The following KLC4 variants were observed in gnomAD, a reference collection of about 807,000 sequenced individuals.
The protein encoded by KLC4 is kinesin-like protein 8.
In KLC4, 49 loss-of-function variants were observed where a neutral mutation model predicts 77.2. The observed-to-expected ratio is 0.63, with a 90% CI of 0.50 to 0.80. The LOEUF is 0.80. Among genes scored for constraint, KLC4 ranks in the 30% least tolerant of loss-of-function variants. KLC4 has a pLI of 0.00. For missense variants in KLC4, 669 were observed against 793.5 expected (o/e 0.84, Z 1.89); for synonymous variants, 274 against 314.5 (o/e 0.87, Z 1.36).
chr6:43,074,839 C>T lies in KLC4; in HGVS notation c.*167C>T, dbSNP rs1765912302. On this transcript the variant is annotated 3_prime_UTR_variant, in exon 16 of 16. Transcript: ENST00000347162. ...GGGTCTCAGCTCCCTCCTCAGGAATCCCTCTTAGGAAGGACCCTCAGGACA... is the reference window on the plus strand; with the variant it reads ...GGGTCTCAGCTCCCTCCTCAGGAATTCCTCTTAGGAAGGACCCTCAGGACA... 1 of 650,554 alleles carries T rather than the reference C, an allele frequency of 1.5e-6. No individual in the cohort carries two copies. The highest frequency in any genetic ancestry group is 2.7e-5 in the East Asian group (1 of 36,448). The allele number at this position is 650,554 out of a possible 1,614,324, so 40.3% of individuals were successfully genotyped here. A position where few individuals can be genotyped will look rare whatever the true frequency, so the allele number is the denominator to read the frequency against.
intron 4 of KLC4, 141 bp downstream of exon 4, chr6:43,065,842 G>T: frequency 1.6e-6 from 1 of 630,848 alleles, no homozygotes; most frequent in Non-Finnish European, 2.8e-6. Flanking sequence ...GGCTGGGCTA[G>T]TACTTCGATT....
chr6:43,061,703 T>C, intron 2 of KLC4, 110 bp downstream of exon 2: 1 of 1,112,618 alleles, frequency 9.0e-7, no homozygotes, highest in South Asian at 1.6e-5. Context: ...TTTGCATTCA[T>C]TCATTAAATA....
intron 14 of KLC4, 29 bp downstream of exon 14, chr6:43,073,367 G>T: frequency 6.5e-7 from 1 of 1,533,400 alleles, no homozygotes; most frequent in Non-Finnish European, 9.0e-7. Context: ...ATACAGTAAA[G>T]TGGCCGGGTG....
At chr6:43,065,745 A>C (rs772123966) in intron 4 of KLC4, 44 bp downstream of exon 4, 1 of 1,394,566 alleles carries the variant, frequency 7.2e-7, no homozygotes, top group Non-Finnish European at 1.0e-6. Flanking sequence ...GGGCAGCAGG[A>C]GGCTGGCCCT....
chr6:43,070,327 C>T (rs1342449685), intron 6 of KLC4, 27 bp from the exon 7 acceptor site: 1 of 1,559,036 alleles, frequency 6.4e-7, no homozygotes, highest in Non-Finnish European at 8.8e-7. Flanking sequence ...ACCCAAATGT[C>T]TGATGGGGAC....
chr6:43,071,422 T>A, intron 9 of KLC4, 48 bp downstream of exon 9: 1 of 1,567,672 alleles, frequency 6.4e-7, no homozygotes, highest in Non-Finnish European at 8.8e-7. Context: ...GAAAAGAAAT[T>A]CAGACCAAAG....
At chr6:43,073,422 G>A (rs186940003) in intron 14 of KLC4, 84 bp downstream of exon 14, 7 of 919,348 alleles carry the variant, frequency 7.6e-6, no homozygotes, top group African/African-American at 6.5e-5. Flanking sequence ...AGGCCGAGGC[G>A]GGTGGATCAC....
At chr6:43,065,792 C>G (rs1438738802) in intron 4 of KLC4, 91 bp downstream of exon 4, 1 of 843,892 alleles carries the variant, frequency 1.2e-6, no homozygotes, top group Non-Finnish European at 2.0e-6. Context: ...CAGTCACCAT[C>G]TAGAAATAGG....
At position 43,072,219 on chromosome 6, in the gene KLC4, G is replaced by C. The variant is rs546323465; in HGVS notation, c.1452G>C (p.Glu484Asp). ...YRRQGKLEAA[E>D]TLEECALRSR... ...GCCAGGGAAAGCTGGAGGCTGCTGA[G>C]ACCCTGGAGGAATGTGCCCTGCGGT... The change falls in exon 12 of 16, where the codon GAG becomes GAC. Residue 484 changes from glutamate (E) to aspartate (D), a missense_variant. Coordinates refer to ENST00000347162, the MANE Select transcript of KLC4 (RefSeq NM_201521.3). The C allele has an allele frequency of 6.2e-7, 1 of 1,614,168 alleles. No homozygotes were observed. Among genetic ancestry groups the C allele is most frequent in the African/African-American group, 1.3e-5 (1 of 75,062 alleles).
chr6:43,067,411 A>G (rs1032818584), intron 6 of KLC4: 5 of 372,674 alleles, frequency 1.3e-5, no homozygotes, highest in Non-Finnish European at 2.4e-5. Flanking sequence ...ATTTGTAAGG[A>G]CAATATATAC....
intron 4 of KLC4, among the ~76,000 whole-genome samples, chr6:43,066,103 A>C (rs1765407293): frequency 6.6e-6 from 1 of 152,240 alleles, no homozygotes; most frequent in Non-Finnish European, 1.5e-5. Context: ...TGTTGAATGC[A>C]TGAATTACTG....
rs1043696738 is a variant in KLC4, at chr6:43,072,010, C to T, written c.1379+88C>T. The T allele has an allele frequency of 3.4e-5, 49 of 1,433,762 alleles. No homozygotes were observed. In the Admixed American group the frequency reaches 4.9e-4, roughly 14 times the overall value. 88.8% of individuals were successfully genotyped at this position (1,433,762 alleles called of 1,614,324 possible). Reference sequence around the variant, plus strand: ...CCTCCCAGACCTTTTCCCTTCCTCCCGTAGACTTTCCCTCAGCTTTAGCTC... The same window carrying T: ...CCTCCCAGACCTTTTCCCTTCCTCCTGTAGACTTTCCCTCAGCTTTAGCTC... On this transcript the variant is annotated intron_variant, in intron 11 of 15. Coordinates refer to ENST00000347162, the MANE Select transcript of KLC4 (RefSeq NM_201521.3).
chr6:43,065,582 G>GCCCTT, intron 3 of KLC4, 38 bp from the exon 4 acceptor site: 1 of 1,414,994 alleles, frequency 7.1e-7, no homozygotes, highest in Admixed American at 1.7e-5. Context: ...ACTAGGTAGG[G>GCCCTT]ATATCTTGGC....
At chr6:43,062,289 A>C (rs536342635) in intron 2 of KLC4, among the ~76,000 whole-genome samples, 147 of 152,382 alleles carry the variant, frequency 9.6e-4, no homozygotes, top group Non-Finnish European at 1.9e-3. Flanking sequence ...AGTGTTGCCC[A>C]GGCTGGATGT....
chr6:43,063,113 A>G lies in KLC4; in HGVS notation c.455A>G (p.Gln152Arg), dbSNP rs952533507. The change falls in exon 3 of 16, where the codon CAG (glutamine) becomes CGG (arginine). Residue 152 changes from glutamine (Q) to arginine (R), a missense_variant. Coordinates refer to ENST00000347162, the MANE Select transcript of KLC4 (RefSeq NM_201521.3). ...EEKKHLEFLG[Q>R]LRQYDEDGHT... ...AAGAAGCACCTGGAGTTCCTGGGGCAGCTGCGGCAGTATGATGAGGATGGA... is the reference window on the plus strand; with the variant it reads ...AAGAAGCACCTGGAGTTCCTGGGGCGGCTGCGGCAGTATGATGAGGATGGA... 6.2e-7 allele frequency: 1 copy of G among 1,614,104 alleles called. No individual in the cohort carries two copies. The highest frequency in any genetic ancestry group is 8.5e-7 in the Non-Finnish European group (1 of 1,179,964).
intron 1 of KLC4, 99 bp downstream of exon 1, chr6:43,059,784 T>C: frequency 8.5e-7 from 1 of 1,178,752 alleles, no homozygotes; most frequent in Non-Finnish European, 1.1e-6. Context: ...CCAACCAACC[T>C]TACAAAACTC....
At chr6:43,065,488 CA>C in intron 3 of KLC4, 131 bp from the exon 4 acceptor site, 3 of 609,674 alleles carry the variant, frequency 4.9e-6, no homozygotes, top group Non-Finnish European at 8.8e-6. Context: ...CTAGCCTTTC[CA>C]GGGGCAGAGA....
Position 43,070,237 on chromosome 6 carries a change from C to G in KLC4, c.880-117C>G. On this transcript the variant is annotated intron_variant, in intron 6 of 15. Transcript: ENST00000347162. ...CAGCCCCTGGCTCCAGGGTAGTAGA[C>G]TTTGTCTCTTAGAGTTGTGCAGTGA... is the stretch of plus-strand genomic sequence containing the variant. 7 of 665,006 alleles carry G rather than the reference C, an allele frequency of 1.1e-5. No homozygotes were observed. In the South Asian group the frequency reaches 1.3e-4, roughly 12 times the overall value. The allele number at this position is 665,006 out of a possible 1,614,324, so 41.2% of individuals were successfully genotyped here.
chr6:43,068,680 C>T (rs903274620), intron 6 of KLC4, among the ~76,000 whole-genome samples: 1 of 151,732 alleles, frequency 6.6e-6, no homozygotes, highest in Non-Finnish European at 1.5e-5. Context: ...GGCATGGTGG[C>T]ATATGCCTGT....
Sources: gnomAD v4.1 joint callset for allele counts (sites outside exome capture counted in the v4.1 genomes callset) on GRCh38, gnomAD v4.1.1 for gene constraint, MANE v1.5 for transcripts, NCBI Gene and HGNC (gene_info 2026-07-23, HGNC 2026-07-21) for gene names.